Variants in MYO1H observed in about 807,000 individuals in gnomAD.
MYO1H encodes unconventional myosin-Ih.
MYO1H carries 118 observed loss-of-function variants against 149.3 expected under a neutral mutation model. The observed-to-expected ratio is 0.79, with a 90% CI of 0.68 to 0.92. The LOEUF (loss-of-function observed/expected upper bound fraction) is 0.92. Ranked by LOEUF, MYO1H falls within the 40% of genes least tolerant of loss-of-function variation. The pLI is 0.00. For synonymous variants in MYO1H, 447 were observed against 465.2 expected, an observed-to-expected ratio of 0.96 and a Z score of 0.50; for missense variants, 1,212 against 1,280.7, an observed-to-expected ratio of 0.95 and a Z score of 0.82.
chr12:109,413,048 C>A (rs1269494415), intron 14 of MYO1H, among the ~76,000 whole-genome samples: 3 of 152,066 alleles, frequency 2.0e-5, no homozygotes, highest in Non-Finnish European at 4.4e-5. Flanking sequence ...GCGATCTCGG[C>A]TCACTGCAAC....
chr12:109,318,960 G>GTTTTTTTT, the MYO1H span, among the ~76,000 whole-genome samples: 13 of 77,950 alleles, frequency 1.7e-4, 1 homozygote, highest in East Asian at 3.9e-3. Flanking sequence ...AACTCTCTGC[G>GTTTTTTTT]TTTTTGGTTT....
chr12:109,361,813 C>CAAAAAAAAAA (rs35915417), intron 1 of MYO1H, among the ~76,000 whole-genome samples: 4 of 56,824 alleles, frequency 7.0e-5, no homozygotes, highest in Admixed American at 2.3e-4. Context: ...CCTTGTCTCA[C>CAAAAAAAAAA]AAAAAAAAAA....
Position 109,425,711 on chromosome 12 carries a change from G to C in MYO1H, c.1726-235G>C, listed in dbSNP as rs141111498. Among the ~76,000 whole-genome samples, 366 of 152,282 alleles carry C rather than the reference G, an allele frequency of 2.4e-3. 3 individuals are homozygous for C. The highest frequency in any genetic ancestry group is 4.3e-3 in the Non-Finnish European group (293 of 68,020). On this transcript the variant is annotated intron_variant, in intron 17 of 31. Coordinates refer to ENST00000310903, the Ensembl canonical transcript of MYO1H. Reference sequence around the variant, plus strand: ...ACCACGTCTTTGCTGAGCAAGTGAGGCATCCTAGACAGATGCTTGTCCAGC... The same window carrying C: ...ACCACGTCTTTGCTGAGCAAGTGAGCCATCCTAGACAGATGCTTGTCCAGC...
chr12:109,314,193 T>G, the MYO1H span, among the ~76,000 whole-genome samples: 1 of 151,214 alleles, frequency 6.6e-6, no homozygotes, highest in Admixed American at 6.6e-5. Flanking sequence ...CCTTTTTTAC[T>G]TTTTTTCTTT....
intron 7 of MYO1H, 146 bp from the exon 8 acceptor site, chr12:109,405,776 G>A (rs1870352047): frequency 3.1e-6 from 2 of 652,020 alleles, no homozygotes; most frequent in Non-Finnish European, 2.7e-6. Flanking sequence ...AAGCAGGAGG[G>A]CTTGGTTCTG....
At chr12:109,419,147 A>G (rs547038246) in intron 15 of MYO1H, among the ~76,000 whole-genome samples, 2 of 152,108 alleles carry the variant, frequency 1.3e-5, no homozygotes. Context: ...AACTACTTCC[A>G]GGAAAATAGA....
At chr12:109,380,320 C>A (rs1217720262) in intron 1 of MYO1H, among the ~76,000 whole-genome samples, 2 of 152,028 alleles carry the variant, frequency 1.3e-5, no homozygotes, top group African/African-American at 4.8e-5. Flanking sequence ...AAATATTCTA[C>A]ATACTTATAA....
chr12:109,428,850 T>G (rs1871494764), intron 19 of MYO1H, among the ~76,000 whole-genome samples: 1 of 152,216 alleles, frequency 6.6e-6, no homozygotes, highest in African/African-American at 2.4e-5. Flanking sequence ...CTGTGTTTTT[T>G]TGAACTTCAT....
chr12:109,401,131 A>G (rs1382576321), exon 6 of MYO1H: 1 of 1,613,868 alleles, frequency 6.2e-7, no homozygotes, highest in Admixed American at 1.7e-5. Context: ...GTTACTTGAT[A>G]GAGAAGTCCC....
chr12:109,424,121 C>T (rs980096853), intron 16 of MYO1H, among the ~76,000 whole-genome samples: 4 of 152,100 alleles, frequency 2.6e-5, no homozygotes, highest in African/African-American at 7.2e-5. Context: ...TGTGGTTTTG[C>T]GTCTTGCTTT....
Position 109,368,151 on chromosome 12 carries a change from C to T in MYO1H, c.12+20179C>T, listed in dbSNP as rs191060654. Among the ~76,000 whole-genome samples the T allele has an allele frequency of 1.0e-3, 156 of 152,264 alleles. 1 individual carries two copies. Among genetic ancestry groups the T allele is most frequent in the African/African-American group, 3.4e-3 (143 of 41,544 alleles). On this transcript the variant is annotated intron_variant, in intron 1 of 31. Transcript: ENST00000310903. ...GCCAAATTATAAGCAGGAAGATGCCCATTACAAGATGGTTTGTGACATGCA... is the reference window on the plus strand; with the variant it reads ...GCCAAATTATAAGCAGGAAGATGCCTATTACAAGATGGTTTGTGACATGCA...
chr12:109,374,528 T>C (rs1566020575), intron 1 of MYO1H, among the ~76,000 whole-genome samples: 2 of 152,188 alleles, frequency 1.3e-5, no homozygotes, highest in Non-Finnish European at 2.9e-5. Context: ...CTTTTATTGG[T>C]GGAAGTTGAG....
the MYO1H span, among the ~76,000 whole-genome samples, chr12:109,334,112 G>A: frequency 6.6e-6 from 1 of 152,056 alleles, no homozygotes; most frequent in Non-Finnish European, 1.5e-5. Flanking sequence ...CACCTCCTGG[G>A]TTCAAGCGAT....
At chr12:109,366,405 G>A (rs1162745320) in intron 1 of MYO1H, among the ~76,000 whole-genome samples, 1 of 152,170 alleles carries the variant, frequency 6.6e-6, no homozygotes, top group Non-Finnish European at 1.5e-5. Context: ...TTCAAGGTGG[G>A]GGCAGGCTTG....
intron 1 of MYO1H, among the ~76,000 whole-genome samples, chr12:109,381,179 T>A (rs1450899297): frequency 6.6e-6 from 1 of 152,000 alleles, no homozygotes; most frequent in African/African-American, 2.4e-5. Flanking sequence ...AGGTCTAGGT[T>A]GAAAATAAAT....
At chr12:109,387,668 G>A (rs1869411505) in intron 1 of MYO1H, among the ~76,000 whole-genome samples, 1 of 152,176 alleles carries the variant, frequency 6.6e-6, no homozygotes, top group Admixed American at 6.5e-5. Flanking sequence ...GTATGTGGGG[G>A]GGACACACAC....
chr12:109,438,436 C>A (rs1055376145), intron 22 of MYO1H, 100 bp from the exon 23 acceptor site: 18 of 848,182 alleles, frequency 2.1e-5, no homozygotes, highest in Admixed American at 4.2e-5. Flanking sequence ...CTGCGGTGGG[C>A]GTCCAGATGT....
At chr12:109,382,030 T>A (rs903571851) in intron 1 of MYO1H, among the ~76,000 whole-genome samples, 1 of 152,208 alleles carries the variant, frequency 6.6e-6, no homozygotes, top group Admixed American at 6.5e-5. Flanking sequence ...AAGGGAAATT[T>A]CTCTTTATAG....
At chr12:109,336,769 C>T in the MYO1H span, among the ~76,000 whole-genome samples, 1 of 152,188 alleles carries the variant, frequency 6.6e-6, no homozygotes. Flanking sequence ...GTCACATGCC[C>T]AGTCCCCCAC....
Sources: gnomAD v4.1 joint callset for allele counts (sites outside exome capture counted in the v4.1 genomes callset) on GRCh38, gnomAD v4.1.1 for gene constraint, MANE v1.5 for transcripts, NCBI Gene and HGNC (gene_info 2026-07-23, HGNC 2026-07-21) for gene names.